JAM2: variants seen among roughly 807,000 people sequenced by gnomAD.
The protein encoded by JAM2 is junctional adhesion molecule 2.
A neutral mutation model predicts 42.0 loss-of-function variants in JAM2; 17 were observed. The observed-to-expected ratio is 0.40, with a 90% CI of 0.28 to 0.61. The LOEUF is 0.61. JAM2 is among the 20% of genes least tolerant of loss of function. The probability of loss-of-function intolerance (pLI) is 0.37; values close to 1 mark genes in which losing one functional copy is unlikely to be tolerated. For missense variants in JAM2, 319 were observed against 358.3 expected (o/e 0.89, Z 0.89); for synonymous variants, 118 against 128.6 (o/e 0.92, Z 0.56).
intron 1 of JAM2, among the ~76,000 whole-genome samples, chr21:25,663,082 C>T (rs749827679): frequency 6.6e-6 from 1 of 152,126 alleles, no homozygotes; most frequent in African/African-American, 2.4e-5. Context: ...GTTCATCATT[C>T]GGCAGGGGAG....
intron 1 of JAM2, among the ~76,000 whole-genome samples, chr21:25,640,404 C>T (rs1250130027): frequency 6.6e-6 from 1 of 152,202 alleles, no homozygotes; most frequent in African/African-American, 2.4e-5. Context: ...GAATTCGTGG[C>T]TGCTGAGCCA....
intron 1 of JAM2, among the ~76,000 whole-genome samples, chr21:25,670,335 T>C (rs2033329631): frequency 6.6e-6 from 1 of 151,914 alleles, no homozygotes; most frequent in Non-Finnish European, 1.5e-5. Flanking sequence ...AACACAAAAA[T>C]TAGCCAGGCA....
chr21:25,655,647 ATTTTTTTTTTTTT>A (rs536746237), intron 1 of JAM2, among the ~76,000 whole-genome samples: 1 of 90,784 alleles, frequency 1.1e-5, no homozygotes, highest in African/African-American at 5.7e-5. Flanking sequence ...CGCCCAGCTA[ATTTTTTTTTTTTT>A]TTTTTTTTTT....
chr21:25,639,879 G>A lies in JAM2; in HGVS notation c.58G>A (p.Ala20Thr). 1 of 1,589,458 alleles carries A rather than the reference G, an allele frequency of 6.3e-7. No individual in the cohort carries two copies. The highest frequency in any genetic ancestry group is 1.2e-5 in the South Asian group (1 of 86,872). Reference sequence around the variant, plus strand: ...GCTGCTGCTGCGCTACCTGGTGGTCGCCCTGGGCTGTAAGTTGCTCGGGTT... The same window carrying A: ...GCTGCTGCTGCGCTACCTGGTGGTCACCCTGGGCTGTAAGTTGCTCGGGTT... ...LLLLLRYLVV[A>T]LGYHKAYGFS... The change falls in exon 1 of 10, where the codon GCC (alanine) becomes ACC (threonine). Residue 20 changes from alanine (A) to threonine (T), a missense_variant. By Grantham distance (58) the Ala-to-Thr change is moderately conservative (BLOSUM62 0). Transcript: ENST00000480456.
chr21:25,706,139 TA>T, intron 7 of JAM2, 53 bp downstream of exon 7: 1 of 1,069,812 alleles, frequency 9.3e-7, no homozygotes, highest in South Asian at 1.3e-5. Flanking sequence ...CTATGGAGTT[TA>T]TTTATGAGAT....
intron 1 of JAM2, among the ~76,000 whole-genome samples, chr21:25,645,198 T>A (rs541511304): frequency 6.6e-6 from 1 of 152,282 alleles, no homozygotes; most frequent in East Asian, 1.9e-4. Flanking sequence ...ATATTTTTTA[T>A]TAGTTGTATT....
At chr21:25,659,013 T>C (rs1308203191) in intron 1 of JAM2, among the ~76,000 whole-genome samples, 1 of 152,192 alleles carries the variant, frequency 6.6e-6, no homozygotes, top group Non-Finnish European at 1.5e-5. Flanking sequence ...TCACCACATA[T>C]AAATGCCTTC....
intron 7 of JAM2, among the ~76,000 whole-genome samples, chr21:25,708,742 C>T (rs1349845235): frequency 6.6e-6 from 1 of 151,798 alleles, no homozygotes; most frequent in Non-Finnish European, 1.5e-5. Context: ...TTATCTATAG[C>T]CTAAAATAAT....
chr21:25,694,706 G>A (rs9975844), intron 4 of JAM2, among the ~76,000 whole-genome samples: 28,649 of 151,764 alleles, frequency 0.19, 2,820 homozygotes, highest in South Asian at 0.26. Flanking sequence ...CATTTGTGTT[G>A]TTATGCACCT....
chr21:25,712,062 T>C, intron 8 of JAM2: 1 of 335,408 alleles, frequency 3.0e-6, no homozygotes, highest in Non-Finnish European at 5.5e-6. Context: ...TTAGTAAGTC[T>C]CTGGTTTGTG....
chr21:25,689,737 TATGA>T, intron 2 of JAM2, 125 bp from the exon 3 acceptor site: 1 of 611,690 alleles, frequency 1.6e-6, no homozygotes, highest in Non-Finnish European at 2.9e-6. Context: ...TGATGTAATT[TATGA>T]ATGAATGAAT....
chr21:25,652,196 G>C (rs2032801292), intron 1 of JAM2, among the ~76,000 whole-genome samples: 1 of 151,920 alleles, frequency 6.6e-6, no homozygotes, highest in Admixed American at 6.6e-5. Flanking sequence ...GACCAGCCTA[G>C]GCCATATAGG....
chr21:25,646,335 G>C lies in JAM2; in HGVS notation c.67+6447G>C, dbSNP rs541720354. On this transcript the variant is annotated intron_variant, in intron 1 of 9. Coordinates refer to ENST00000480456, the MANE Select transcript of JAM2 (RefSeq NM_021219.4). ...ATGTGTGCTGTGTTTTCAACTTTCT[G>C]TTCAGTTCCCAACCTATAAACATGA... is the stretch of plus-strand genomic sequence containing the variant. Among the ~76,000 whole-genome samples the C allele has an allele frequency of 3.9e-5, 6 of 152,256 alleles. No homozygotes were observed. In the South Asian group the frequency reaches 8.3e-4, roughly 21 times the overall value.
chr21:25,642,770 T>C (rs1477708185), intron 1 of JAM2, among the ~76,000 whole-genome samples: 1 of 152,230 alleles, frequency 6.6e-6, no homozygotes, highest in Non-Finnish European at 1.5e-5. Context: ...TGGTTAATAG[T>C]AGGTATAAAT....
intron 4 of JAM2, among the ~76,000 whole-genome samples, chr21:25,697,633 G>A (rs372938327): frequency 3.3e-4 from 51 of 152,276 alleles, no homozygotes; most frequent in African/African-American, 1.2e-3. Flanking sequence ...TGGGCGTGGT[G>A]GCTCATGCCT....
At chr21:25,700,024 T>A (rs1183432323) in intron 5 of JAM2, among the ~76,000 whole-genome samples, 1 of 152,228 alleles carries the variant, frequency 6.6e-6, no homozygotes, top group Non-Finnish European at 1.5e-5. Flanking sequence ...GTGACTTTAG[T>A]ATCTATTACT....
intron 6 of JAM2, among the ~76,000 whole-genome samples, chr21:25,702,557 A>C (rs555812845): frequency 6.6e-6 from 1 of 152,220 alleles, no homozygotes; most frequent in Non-Finnish European, 1.5e-5. Context: ...CTTTCTCTCA[A>C]ATAAAAGCTA....
At chr21:25,698,536 T>C in intron 4 of JAM2, 141 bp from the exon 5 acceptor site, 1 of 669,830 alleles carries the variant, frequency 1.5e-6, no homozygotes, top group Non-Finnish European at 2.5e-6. Flanking sequence ...AAGCAGTCTC[T>C]ATCACAGGGT....
chr21:25,695,739 T>G (rs2034002116), intron 4 of JAM2, among the ~76,000 whole-genome samples: 1 of 146,682 alleles, frequency 6.8e-6, no homozygotes, highest in African/African-American at 2.6e-5. Flanking sequence ...GAGGGGCTCC[T>G]CACTTCTCAG....
Sources: allele counts gnomAD v4.1 joint callset (sites outside exome capture counted in the v4.1 genomes callset), GRCh38; gene constraint gnomAD v4.1.1; transcripts MANE v1.5; gene names NCBI Gene and HGNC (gene_info 2026-07-23, HGNC 2026-07-21).